The following ANKRD12 variants were observed in gnomAD, a reference collection of about 807,000 sequenced individuals.
The protein encoded by ANKRD12 is ankyrin repeat domain 12.
In ANKRD12, 85 loss-of-function variants were observed where a neutral mutation model predicts 183.4. The ratio of observed to expected loss-of-function variants is 0.46; its 90% CI spans 0.39 to 0.56. The LOEUF is 0.56. Among genes scored for constraint, ANKRD12 ranks in the 20% least tolerant of loss-of-function variants. The pLI, the probability that ANKRD12 is intolerant of heterozygous loss-of-function variation, is 0.00. For synonymous variants in ANKRD12, 914 were observed against 800.2 expected (o/e 1.14, Z -2.40); for missense variants, 2,405 against 2,357.1 (o/e 1.02, Z -0.42).
intron 12 of ANKRD12, among the ~76,000 whole-genome samples, chr18:9,280,398 C>T (rs775815711): frequency 6.6e-6 from 1 of 152,114 alleles, no homozygotes; most frequent in Non-Finnish European, 1.5e-5. Context: ...GGTACCAGTC[C>T]GTGACCCGGG....
At chr18:9,276,654 C>T (rs1183529753) in intron 11 of ANKRD12, among the ~76,000 whole-genome samples, 1 of 151,696 alleles carries the variant, frequency 6.6e-6, no homozygotes, top group African/African-American at 2.4e-5. Context: ...GCCAAGGCTG[C>T]AGTGAGCTGG....
chr18:9,228,972 G>C (rs923583453), intron 8 of ANKRD12, among the ~76,000 whole-genome samples: 1 of 151,000 alleles, frequency 6.6e-6, no homozygotes, highest in African/African-American at 2.4e-5. Flanking sequence ...AATTCATTTT[G>C]AGTTGACTTT....
intron 8 of ANKRD12, among the ~76,000 whole-genome samples, chr18:9,228,957 T>C (rs1401149819): frequency 2.0e-5 from 3 of 152,172 alleles, no homozygotes; most frequent in African/African-American, 7.2e-5. Context: ...CACATTTAAG[T>C]CTTTAATTCA....
chr18:9,157,581 G>GTATATATATATATATA (rs1221750938), intron 1 of ANKRD12, among the ~76,000 whole-genome samples: 8 of 109,336 alleles, frequency 7.3e-5, no homozygotes, highest in South Asian at 2.7e-4. Flanking sequence ...GTGTGTGTGT[G>GTATATATATATATATA]TGTGTATATA....
chr18:9,215,142 C>T (rs1287194019), intron 6 of ANKRD12, among the ~76,000 whole-genome samples: 2 of 152,092 alleles, frequency 1.3e-5, no homozygotes, highest in African/African-American at 4.8e-5. Context: ...TCTGCCTGAA[C>T]AGTTTTTTAA....
At chr18:9,157,585 G>GTGTGTGTGTGTA (rs1472659778) in intron 1 of ANKRD12, among the ~76,000 whole-genome samples, 51 of 92,676 alleles carry the variant, frequency 5.5e-4, no homozygotes, top group African/African-American at 2.4e-3. Context: ...GTGTGTGTGT[G>GTGTGTGTGTGTA]TATATATATA....
chr18:9,276,831 A>T (rs1305129326), intron 11 of ANKRD12, among the ~76,000 whole-genome samples: 1 of 152,228 alleles, frequency 6.6e-6, no homozygotes, highest in African/African-American at 2.4e-5. Flanking sequence ...GAACTGTGTG[A>T]CTAAAGAAAT....
At position 9,257,504 on chromosome 18, in the gene ANKRD12, G is replaced by A. The variant is rs562592238; in HGVS notation, c.4237G>A (p.Val1413Met). The change falls in exon 9 of 13, where the codon GTG (valine) becomes ATG (methionine). Residue 1413 changes from valine (V) to methionine (M), a missense_variant. Physicochemically the swap from Val to Met is conservative, Grantham distance 21. Transcript: ENST00000262126. Reference sequence around the variant, plus strand: ...TTTAGAGCCATCTAGTCAGGTTGGTGTGATCCAGAATAAATCATGGGAGAT... The same window carrying A: ...TTTAGAGCCATCTAGTCAGGTTGGTATGATCCAGAATAAATCATGGGAGAT... ...VHLEPSSQVG[V>M]IQNKSWEMPV... The A allele has an allele frequency of 3.3e-5, 53 of 1,614,068 alleles. 1 individual carries two copies. The highest frequency in any genetic ancestry group is 1.3e-4 in the East Asian group (6 of 44,882).
rs538364188 is a variant in ANKRD12, at chr18:9,267,179, C to T, written c.5763+3291C>T. ...ACACAATAATACTAATAATGGGAGA[C>T]GTTAACACCCCACTGTCAACATTAG... On this transcript the variant is annotated intron_variant, in intron 10 of 12. Coordinates refer to ENST00000262126, the MANE Select transcript of ANKRD12 (RefSeq NM_015208.5). Among the ~76,000 whole-genome samples, 140 of 152,194 alleles carry T rather than the reference C, an allele frequency of 9.2e-4. 1 individual carries two copies. Among genetic ancestry groups the T allele is most frequent in the Middle Eastern group, 3.4e-3 (1 of 294 alleles).
chr18:9,162,457 G>T (rs926498693), intron 1 of ANKRD12, among the ~76,000 whole-genome samples: 12 of 152,050 alleles, frequency 7.9e-5, no homozygotes, highest in Admixed American at 5.9e-4. Context: ...TCATTGATGG[G>T]CATTGGGGTT....
chr18:9,148,805 A>C (rs1411309624), intron 1 of ANKRD12, among the ~76,000 whole-genome samples: 1 of 152,092 alleles, frequency 6.6e-6, no homozygotes, highest in Non-Finnish European at 1.5e-5. Flanking sequence ...TGAACACACT[A>C]CTCGAATTAT....
Position 9,255,406 on chromosome 18 carries a change from G to A in ANKRD12, c.2139G>A (p.Met713Ile). ...SDETEDLFLN[M>I]EHESLTLEKK... ...AAACTGAAGATCTCTTTTTAAATAT[G>A]GAACATGAATCCTTAACATTAGAAA... Residue 713 changes from methionine to isoleucine, a missense_variant, in exon 9 of 13, where the codon ATG becomes ATA. Physicochemically the swap from Met to Ile is conservative, Grantham distance 10. This residue lies in a region of ANKRD12 where 1,983 missense variants were observed against 1,725.9 expected (regional missense o/e 1.15). Transcript: ENST00000262126. 2 of 1,582,408 alleles carry A rather than the reference G, an allele frequency of 1.3e-6. No individual in the cohort carries two copies. Among genetic ancestry groups the A allele is most frequent in the African/African-American group, 1.4e-5 (1 of 72,750 alleles).
intron 2 of ANKRD12, among the ~76,000 whole-genome samples, chr18:9,186,750 C>CTTTT (rs759387137): frequency 5.1e-5 from 6 of 117,246 alleles, no homozygotes; most frequent in African/African-American, 1.6e-4. Context: ...CTTTGATTGT[C>CTTTT]TTTTTTTTTT....
chr18:9,150,638 T>A (rs115371338), intron 1 of ANKRD12, among the ~76,000 whole-genome samples: 2,713 of 152,214 alleles, frequency 0.018, 87 homozygotes, highest in African/African-American at 0.061. Context: ...TGATTTTTTT[T>A]AAAATTTATT....
At chr18:9,189,376 A>G (rs758554336) in intron 2 of ANKRD12, among the ~76,000 whole-genome samples, 3 of 152,254 alleles carry the variant, frequency 2.0e-5, no homozygotes, top group Admixed American at 6.5e-5. Context: ...GTGAAGCACC[A>G]AGTGCTAATG....
chr18:9,279,917 A>G (rs1437630751), intron 12 of ANKRD12, among the ~76,000 whole-genome samples: 1 of 152,200 alleles, frequency 6.6e-6, no homozygotes, highest in African/African-American at 2.4e-5. Flanking sequence ...TAGCTTGAAC[A>G]TAACGAAAGA....
chr18:9,210,512 G>C (rs2035735086), intron 5 of ANKRD12, among the ~76,000 whole-genome samples: 1 of 151,824 alleles, frequency 6.6e-6, no homozygotes, highest in South Asian at 2.1e-4. Context: ...CTTGAGGCCA[G>C]GAGTTTGAGA....
chr18:9,228,025 C>T (rs1247508785), intron 8 of ANKRD12, among the ~76,000 whole-genome samples: 4 of 152,150 alleles, frequency 2.6e-5, no homozygotes, highest in African/African-American at 7.2e-5. Context: ...AGTTTCTTAG[C>T]TTCCACATAT....
chr18:9,276,751 T>C (rs945331917), intron 11 of ANKRD12, among the ~76,000 whole-genome samples: 2 of 152,162 alleles, frequency 1.3e-5, no homozygotes, highest in African/African-American at 4.8e-5. Context: ...CTCCAACTTT[T>C]ATTTCAAATG....
Sources: allele counts gnomAD v4.1 joint callset (sites outside exome capture counted in the v4.1 genomes callset), GRCh38; gene constraint gnomAD v4.1.1; regional missense constraint gnomAD v4.1.1; transcripts MANE v1.5; gene names NCBI Gene and HGNC (gene_info 2026-07-23, HGNC 2026-07-21).